VWDE: variants seen among roughly 807,000 people sequenced by gnomAD.
VWDE encodes von Willebrand factor D and EGF domains.
VWDE carries 207 observed loss-of-function variants against 178.4 expected under a neutral mutation model. The observed-to-expected ratio is 1.16, with a 90% CI of 1.04 to 1.30. The LOEUF is 1.30. Ranked by LOEUF, VWDE falls within the 50% of genes most tolerant of loss-of-function variation. The pLI, the probability that VWDE is intolerant of heterozygous loss-of-function variation, is 0.00. For synonymous variants in VWDE, 738 were observed against 651.4 expected (o/e 1.13, Z -2.02); for missense variants, 2,287 against 1,901.3 (o/e 1.20, Z -3.77).
At chr7:12,375,254 A>G (rs1783460447) in intron 7 of VWDE, 27 bp from the exon 8 acceptor site, 4 of 1,515,304 alleles carry the variant, frequency 2.6e-6, no homozygotes, top group Admixed American at 2.0e-5. Context: ...TAGGTTTAAA[A>G]ATTTCCAAGA....
At chr7:12,362,353 T>C (rs1252184287) in intron 13 of VWDE, among the ~76,000 whole-genome samples, 1 of 152,058 alleles carries the variant, frequency 6.6e-6, no homozygotes, top group African/African-American at 2.4e-5. Context: ...AAATATACTA[T>C]CCTCATAATA....
chr7:12,345,211 C>T (rs1781540375), intron 19 of VWDE, among the ~76,000 whole-genome samples: 1 of 151,980 alleles, frequency 6.6e-6, no homozygotes, highest in Admixed American at 6.6e-5. Flanking sequence ...TCAGCAGACC[C>T]ACTTTTGTTC....
Position 12,393,770 on chromosome 7 carries a change from A to G in VWDE, c.67T>C (p.Cys23Arg). Residue 23 changes from cysteine to arginine, a missense_variant, in exon 2 of 29, where the codon TGC becomes CGC. Cys to Arg is a radical substitution (Grantham distance 180). Transcript: ENST00000275358. ...MFLAWGEAQE[C>R]SPGGHQFLRS... is the part of the protein sequence containing the mutation. ...AGAAACTGGTGTCCCCCAGGAGAGC[A>G]CTCCTGAGCTAGTATGGAAAGACAG... The G allele has an allele frequency of 6.5e-7, 1 of 1,546,372 alleles. No homozygotes were observed.
intron 7 of VWDE, among the ~76,000 whole-genome samples, chr7:12,376,006 A>G (rs542556167): frequency 8.9e-4 from 136 of 152,228 alleles, no homozygotes; most frequent in African/African-American, 3.2e-3. Flanking sequence ...TCTAAAAGGA[A>G]AAAAGTTGTT....
intron 15 of VWDE, among the ~76,000 whole-genome samples, chr7:12,359,911 G>T (rs1331766303): frequency 6.6e-6 from 1 of 152,056 alleles, no homozygotes; most frequent in African/African-American, 2.4e-5. Context: ...GTACACATAA[G>T]TTTTATCTTT....
At chr7:12,362,245 A>T (rs889042926) in intron 13 of VWDE, among the ~76,000 whole-genome samples, 5 of 151,376 alleles carry the variant, frequency 3.3e-5, no homozygotes, top group African/African-American at 1.2e-4. Flanking sequence ...ACACACACAC[A>T]TAAAAATGCA....
intron 19 of VWDE, among the ~76,000 whole-genome samples, chr7:12,348,742 C>T (rs1230253796): frequency 6.6e-6 from 1 of 150,888 alleles, no homozygotes; most frequent in Non-Finnish European, 1.5e-5. Flanking sequence ...ACCCAAAGGA[C>T]TATAAATCAG....
At chr7:12,368,992 T>C (rs1025865426) in intron 12 of VWDE, among the ~76,000 whole-genome samples, 1 of 152,174 alleles carries the variant, frequency 6.6e-6, no homozygotes, top group Non-Finnish European at 1.5e-5. Flanking sequence ...CAGGAGTTAC[T>C]GGTTTACTTA....
chr7:12,355,804 T>A (rs73052726), intron 18 of VWDE, among the ~76,000 whole-genome samples: 1,637 of 152,220 alleles, frequency 0.011, 8 homozygotes, highest in Non-Finnish European at 0.017. Context: ...CCATATTATA[T>A]CTTAATAGTA....
In VWDE at chr7:12,343,913, T is replaced by C. The variant is rs142643058; in HGVS notation, c.4078+282A>G. On this transcript the variant is annotated intron_variant, in intron 21 of 28. Transcript: ENST00000275358. ...CTTGAAGCTAAAACATTTGTAGATA[T>C]ATAGTACCTTATAACTAAACCTCAA... Among the ~76,000 whole-genome samples, 437 of 152,240 alleles carry C rather than the reference T, an allele frequency of 2.9e-3. 2 individuals are homozygous for C. The highest frequency in any genetic ancestry group is 0.01 in the African/African-American group (419 of 41,558).
chr7:12,377,695 C>G (rs1783611663), intron 7 of VWDE, 81 bp downstream of exon 7: 1 of 915,718 alleles, frequency 1.1e-6, no homozygotes, highest in Non-Finnish European at 1.5e-6. Flanking sequence ...TATGAGTACA[C>G]TCCAGTGACT....
At chr7:12,351,883 T>G (rs1478669681) in intron 18 of VWDE, among the ~76,000 whole-genome samples, 170 bp from the exon 19 acceptor site, 1 of 152,190 alleles carries the variant, frequency 6.6e-6, no homozygotes, top group Non-Finnish European at 1.5e-5. Context: ...TGGACTGAAT[T>G]GTGTTCCCCT....
intron 10 of VWDE, among the ~76,000 whole-genome samples, chr7:12,372,477 A>G (rs1329913122): frequency 6.6e-6 from 1 of 152,090 alleles, no homozygotes; most frequent in Non-Finnish European, 1.5e-5. Context: ...GAAAATACAA[A>G]TAGTTTACTC....
chr7:12,356,578 G>A (rs1782265360), intron 17 of VWDE, among the ~76,000 whole-genome samples: 1 of 151,780 alleles, frequency 6.6e-6, no homozygotes, highest in Admixed American at 6.6e-5. Context: ...TAAAAAAAAA[G>A]TTACAAGATG....
chr7:12,336,852 C>T, intron 26 of VWDE, 136 bp downstream of exon 26: 1 of 743,602 alleles, frequency 1.3e-6, no homozygotes, highest in Admixed American at 2.9e-5. Flanking sequence ...AGAGGTATCT[C>T]CTAAAGCAAG....
Position 12,351,642 on chromosome 7 carries a change from T to G in VWDE, c.3817A>C (p.Lys1273Gln), listed in dbSNP as rs1562474431. The change falls in exon 19 of 29, where the codon AAA (lysine) becomes CAA (glutamine). Residue 1273 changes from lysine (K) to glutamine (Q), a missense_variant. By Grantham distance (53) the Lys-to-Gln change is moderately conservative. Transcript: ENST00000275358. ...VLTRSDKSVN[K>Q]EEDDKNAQGR... ...TGGGCATTTTTATCATCCTCTTCTTTATTTACACTTTTATCAGATCTTGTG... is the reference window on the plus strand; with the variant it reads ...TGGGCATTTTTATCATCCTCTTCTTGATTTACACTTTTATCAGATCTTGTG... 4 of 1,550,548 alleles carry G rather than the reference T, an allele frequency of 2.6e-6. No homozygotes were observed. The South Asian group carries it at 4.8e-5, about 18-fold the overall frequency.
At position 12,378,602 on chromosome 7, in the gene VWDE, G is replaced by T. The variant is rs1348397153; in HGVS notation, c.880-682C>A. ...CCTAATCAGAAAGGGTACAAGGGTG[G>T]GGGTGCTGACTATTGACCCCTGACA... On this transcript the variant is annotated intron_variant, in intron 6 of 28. Transcript: ENST00000275358. Among the ~76,000 whole-genome samples the T allele has an allele frequency of 2.0e-5, 3 of 152,092 alleles. No homozygotes were observed. The East Asian group carries it at 5.8e-4, about 29-fold the overall frequency.
At chr7:12,358,332 C>T (rs1250029529) in intron 16 of VWDE, among the ~76,000 whole-genome samples, 1 of 150,622 alleles carries the variant, frequency 6.6e-6, no homozygotes, top group African/African-American at 2.5e-5. Context: ...TGAGATCGTG[C>T]CACTGCGCTC....
At chr7:12,333,832 G>C (rs1027708416) in intron 27 of VWDE, 8 of 290,180 alleles carry the variant, frequency 2.8e-5, no homozygotes, top group African/African-American at 1.5e-4. Flanking sequence ...AATTTCATTG[G>C]CTACATTTTG....
Sources: gnomAD v4.1 joint callset for allele counts (sites outside exome capture counted in the v4.1 genomes callset) on GRCh38, gnomAD v4.1.1 for gene constraint, MANE v1.5 for transcripts, NCBI Gene and HGNC (gene_info 2026-07-23, HGNC 2026-07-21) for gene names.